Variants in CSPG4 observed in about 807,000 individuals in gnomAD.
CSPG4 encodes the protein chondroitin sulfate proteoglycan 4.
In CSPG4, 74 loss-of-function variants were observed where a neutral mutation model predicts 139.3. That is an observed-to-expected ratio of 0.53 (90% confidence interval 0.44 to 0.64). The LOEUF is 0.64. CSPG4 is among the 30% of genes least tolerant of loss of function. The pLI is 0.00. For synonymous variants in CSPG4, 1,234 were observed against 1,394.2 expected, an observed-to-expected ratio of 0.89 and a Z score of 2.56; for missense variants, 2,565 against 3,148.3, an observed-to-expected ratio of 0.81 and a Z score of 4.43.
Position 75,676,513 on chromosome 15 carries a change from T to C in CSPG4, c.6006A>G (p.Gln2002=). Residue 2002 remains glutamine (Q), a synonymous_variant, in exon 10 of 10, where the codon CAA becomes CAG. Coordinates refer to ENST00000308508, the MANE Select transcript of CSPG4 (RefSeq NM_001897.5). The stretch of plus-strand genomic sequence containing the variant: ...CCACCTCGCCCTGGTCTATCTGGAA[T>C]TGGCTGAAGGCCGAGGTGGGCCGCC... ...VGGRPTSAFS[Q]FQIDQGEVVF... The C allele has an allele frequency of 7.4e-6, 12 of 1,613,912 alleles. No individual in the cohort carries two copies. The highest frequency in any genetic ancestry group is 1.0e-5 in the Non-Finnish European group (12 of 1,180,022).
At chr15:75,712,463 C>T (rs1474135481) in intron 1 of CSPG4, among the ~76,000 whole-genome samples, 1 of 152,200 alleles carries the variant, frequency 6.6e-6, no homozygotes, top group African/African-American at 2.4e-5. Flanking sequence ...CCTTGGCTAG[C>T]TAGAAACCCC....
Position 75,698,028 on chromosome 15 carries a change from A to C in CSPG4, c.89-4795T>G, listed in dbSNP as rs1368077026. Among the ~76,000 whole-genome samples the C allele has an allele frequency of 2.6e-5, 4 of 152,194 alleles. No individual in the cohort carries two copies. Among genetic ancestry groups the C allele is most frequent in the Admixed American group, 6.5e-5 (1 of 15,288 alleles). On this transcript the variant is annotated intron_variant, in intron 1 of 9. Transcript: ENST00000308508. The surrounding 1 kb of genome is among the most constrained non-coding windows in gnomAD (Gnocchi z 4.3). ...GCCTGAGGAAGGAGACGGAGGAGGA[A>C]AACTCGAGGGAGACAGAGAAGGCGG...
rs190547010 is a variant in CSPG4, at chr15:75,693,382, C to T, written c.89-149G>A. On this transcript the variant is annotated intron_variant, in intron 1 of 9. Coordinates refer to ENST00000308508, the MANE Select transcript of CSPG4 (RefSeq NM_001897.5). The stretch of plus-strand genomic sequence containing the variant: ...GTATGGTGCTGCCTCTGAGCACTGC[C>T]CGGGTCCCAGCATCTTCTTGGTCCT... 4.6e-5 allele frequency: 35 copies of T among 760,644 alleles called. 1 individual carries two copies. In the African/African-American group the frequency reaches 5.8e-4, roughly 13 times the overall value. The allele number at this position is 760,644 out of a possible 1,614,324, so 47.1% of individuals were successfully genotyped here. A position where few individuals can be genotyped will look rare whatever the true frequency, so the allele number is the denominator to read the frequency against.
In CSPG4 at chr15:75,677,279, A is replaced by C; in HGVS notation, c.5240T>G (p.Val1747Gly). 1 of 1,491,548 alleles carries C rather than the reference A, an allele frequency of 6.7e-7. No homozygotes were observed. The highest frequency in any genetic ancestry group is 9.0e-7 in the Non-Finnish European group (1 of 1,116,160). The allele number at this position is 1,491,548 out of a possible 1,614,324, so 92.4% of individuals were successfully genotyped here. The change falls in exon 10 of 10, where the codon GTG becomes GGG. Residue 1747 changes from valine (V) to glycine (G), a missense_variant. Transcript: ENST00000308508. Reference sequence around the variant, plus strand: ...GGGGAACTGTGTGACCTGGAAGAGCACATCATGCTCTGAGCGCTGGGGTGA... The same window carrying C: ...GGGGAACTGTGTGACCTGGAAGAGCCCATCATGCTCTGAGCGCTGGGGTGA... ...VPSPQRSEHD[V>G]LFQVTQFPSR...
intron 1 of CSPG4, among the ~76,000 whole-genome samples, chr15:75,700,822 T>C (rs1478867233): frequency 6.6e-6 from 1 of 152,114 alleles, no homozygotes; most frequent in East Asian, 1.9e-4. Context: ...AAATGGTGAC[T>C]GTGGGTCTGG....
chr15:75,697,812 CAG>C (rs1407516526), intron 1 of CSPG4, among the ~76,000 whole-genome samples: 5 of 152,162 alleles, frequency 3.3e-5, no homozygotes, highest in African/African-American at 1.2e-4. Flanking sequence ...CCCAGTGCCA[CAG>C]AGACAGAGCA....
Position 75,689,113 on chromosome 15 carries a change from G to A in CSPG4, c.1952C>T (p.Pro651Leu), listed in dbSNP as rs764114042. Residue 651 changes from proline to leucine, a missense_variant, in exon 3 of 10, where the codon CCG (proline) becomes CTG (leucine). By Grantham distance (98) the Pro-to-Leu change is moderately conservative. Coordinates refer to ENST00000308508, the MANE Select transcript of CSPG4 (RefSeq NM_001897.5). The stretch of plus-strand genomic sequence containing the variant: ...GATGGCCACCACCTTCAGCGTGGCC[G>A]GGGGGCTGGCCTGCAGTCCATCGCT... ...RVSDGLQASP[P>L]ATLKVVAIRP... is the part of the protein sequence containing the mutation. The A allele has an allele frequency of 4.6e-5, 74 of 1,601,432 alleles. No individual in the cohort carries two copies. Among genetic ancestry groups the A allele is most frequent in the Non-Finnish European group, 5.6e-5 (66 of 1,174,318 alleles).
chr15:75,683,851 G>C (rs1419228879), intron 5 of CSPG4, among the ~76,000 whole-genome samples: 1 of 152,198 alleles, frequency 6.6e-6, no homozygotes, highest in Admixed American at 6.5e-5. Context: ...ATAATGTTGC[G>C]GGGCAGGACC....
intron 1 of CSPG4, among the ~76,000 whole-genome samples, chr15:75,695,531 G>A (rs1383244797): frequency 6.6e-6 from 1 of 152,154 alleles, no homozygotes; most frequent in Non-Finnish European, 1.5e-5. Context: ...GGCCTCTGAG[G>A]CCTTGCTGGC....
intron 8 of CSPG4, chr15:75,679,172 C>T (rs1228414877): frequency 1.6e-5 from 3 of 185,582 alleles, no homozygotes; most frequent in South Asian, 1.1e-4. Flanking sequence ...GCTACCTCTG[C>T]CGATATCTAA....
In CSPG4 at chr15:75,676,466, G is replaced by A. The variant is rs1343407321; in HGVS notation, c.6053C>T (p.Ser2018Phe). 3 of 1,613,906 alleles carry A rather than the reference G, an allele frequency of 1.9e-6. No individual in the cohort carries two copies. The highest frequency in any genetic ancestry group is 2.2e-5 in the South Asian group (2 of 91,092). ...GACTCTGAAGTGGTCATGAGAGGAG[G>A]AGAAGTTGGTGAAGGCAAAGACCAC... ...GEVVFAFTNF[S>F]SSHDHFRVLA... The change falls in exon 10 of 10, where the codon TCC (serine) becomes TTC (phenylalanine). Residue 2018 changes from serine to phenylalanine, a missense_variant. Transcript: ENST00000308508.
intron 1 of CSPG4, among the ~76,000 whole-genome samples, chr15:75,710,686 G>A (rs923649528): frequency 2.6e-5 from 4 of 152,168 alleles, no homozygotes; most frequent in Non-Finnish European, 5.9e-5. Context: ...GATACGGGAG[G>A]ACGAGGGCCT....
In CSPG4 at chr15:75,676,208, G is replaced by C. The variant is rs1288529350; in HGVS notation, c.6311C>G (p.Pro2104Arg). 1.9e-6 allele frequency: 3 copies of C among 1,551,646 alleles called. No homozygotes were observed. The highest frequency in any genetic ancestry group is 2.6e-6 in the Non-Finnish European group (3 of 1,155,434). ...CTGCTCCACCAGCTGGCTGCCCCCG[G>C]GCTCCGTCCTGGCTCGGGGCACGCG... ...VVRVPRARTE[P>R]GGSQLVEQFT... Residue 2104 changes from proline (P) to arginine (R), a missense_variant, in exon 10 of 10, where the codon CCC becomes CGC. Pro to Arg is a moderately radical substitution (Grantham distance 103). Transcript: ENST00000308508.
Position 75,696,568 on chromosome 15 carries a change from C to T in CSPG4, c.89-3335G>A, listed in dbSNP as rs898635249. The stretch of plus-strand genomic sequence containing the variant: ...GACAGAGCAATGATTGTGCCCGGGC[C>T]TGTCCTGCCCTTCGGTGCCCGCCTG... On this transcript the variant is annotated intron_variant, in intron 1 of 9. Coordinates refer to ENST00000308508, the MANE Select transcript of CSPG4 (RefSeq NM_001897.5). The surrounding 1 kb of genome is among the most constrained non-coding windows in gnomAD (Gnocchi z 4.2). 5.9e-5 allele frequency among the ~76,000 whole-genome samples: 9 copies of T among 152,080 alleles called. No homozygotes were observed. The highest frequency in any genetic ancestry group is 1.0e-4 in the Non-Finnish European group (7 of 67,992).
chr15:75,684,874 G>T lies in CSPG4; in HGVS notation c.4311C>A (p.Ser1437Arg). 6.2e-7 allele frequency: 1 copy of T among 1,613,250 alleles called. No homozygotes were observed. Among genetic ancestry groups the T allele is most frequent in the Non-Finnish European group, 8.5e-7 (1 of 1,179,634 alleles). The change falls in exon 5 of 10, where the codon AGC (serine) becomes AGA (arginine). Residue 1437 changes from serine (S) to arginine (R), a missense_variant. Ser to Arg is a moderately radical substitution (Grantham distance 110). Around this residue, in one of 5 missense-constraint regions of CSPG4, gnomAD observed 2,316 missense variants for 2,818.2 expected, o/e 0.82. Transcript: ENST00000308508. ...EQLIRYVHDG[S>R]ETLTDSFVLM... ...GGACAAAACTGTCTGTCAGTGTCTCGCTCCCGTCATGCACGTAGCGGATCA... is the reference window on the plus strand; with the variant it reads ...GGACAAAACTGTCTGTCAGTGTCTCTCTCCCGTCATGCACGTAGCGGATCA...
intron 1 of CSPG4, among the ~76,000 whole-genome samples, chr15:75,694,474 A>T (rs140061599): frequency 6.6e-6 from 1 of 152,362 alleles, no homozygotes; most frequent in Non-Finnish European, 1.5e-5. Flanking sequence ...CTCAAACCCG[A>T]GAGCGAGCAC....
chr15:75,696,506 G>T lies in CSPG4; in HGVS notation c.89-3273C>A, dbSNP rs527753055. On this transcript the variant is annotated intron_variant, in intron 1 of 9. Transcript: ENST00000308508. The surrounding 1 kb of genome is among the most constrained non-coding windows in gnomAD (Gnocchi z 4.2). ...TGGGTTTGCGTAAGGCTGTGTGTTT[G>T]TGTGTGTGTGCGCGTGTGTGGGCCG... Among the ~76,000 whole-genome samples, 38 of 152,082 alleles carry T rather than the reference G, an allele frequency of 2.5e-4. No individual in the cohort carries two copies. Among genetic ancestry groups the T allele is most frequent in the Non-Finnish European group, 5.0e-4 (34 of 67,974 alleles).
At chr15:75,684,264 C>G (rs2141425758) in intron 5 of CSPG4, among the ~76,000 whole-genome samples, 2 of 152,378 alleles carry the variant, frequency 1.3e-5, no homozygotes, top group South Asian at 4.1e-4. Flanking sequence ...GAGTGGGGCC[C>G]TTACCTCTGC....
chr15:75,676,261 C>T lies in CSPG4; in HGVS notation c.6258G>A (p.Leu2086=), dbSNP rs1289432499. The change falls in exon 10 of 10, where the codon CTG becomes CTA. Residue 2086 remains leucine (L), a synonymous_variant. Transcript: ENST00000308508. ...CCACGCGGCCATGCCGGGGTCCCTC[C>T]AGGAGGCGGAAGCGCGGCACACTGC... ...RTGSVPRFRL[L]EGPRHGRVVR... The T allele has an allele frequency of 1.3e-6, 2 of 1,570,358 alleles. No individual in the cohort carries two copies. The highest frequency in any genetic ancestry group is 2.3e-5 in the South Asian group (2 of 88,066).
Sources: allele counts gnomAD v4.1 joint callset (sites outside exome capture counted in the v4.1 genomes callset), GRCh38; gene constraint gnomAD v4.1.1; regional missense constraint gnomAD v4.1.1; non-coding constraint Gnocchi (gnomAD v3.1); transcripts MANE v1.5; gene names NCBI Gene and HGNC (gene_info 2026-07-23, HGNC 2026-07-21).